Variants in DPYS observed in about 807,000 individuals in gnomAD.
DPYS encodes the protein dihydropyrimidine amidohydrolase.
In DPYS, 39 loss-of-function variants were observed where a neutral mutation model predicts 50.3. That is an observed-to-expected ratio of 0.78 (90% CI 0.60 to 1.01). The LOEUF (loss-of-function observed/expected upper bound fraction) is 1.01, where lower values mean the gene tolerates loss of function less well. DPYS is among the 50% of genes least tolerant of loss of function. The pLI is 0.00. For missense variants in DPYS, 659 were observed against 680.9 expected (o/e 0.97, Z 0.36); for synonymous variants, 245 against 250.7 (o/e 0.98, Z 0.22).
intron 6 of DPYS, 87 bp downstream of exon 6, chr8:104,427,893 T>G: frequency 6.2e-7 from 1 of 1,602,752 alleles, no homozygotes; most frequent in South Asian, 1.1e-5. Context: ...AGCTTCTCTA[T>G]GAAAATTTGT....
intron 7 of DPYS, among the ~76,000 whole-genome samples, chr8:104,404,302 G>A (rs1323618332): frequency 6.6e-6 from 1 of 152,092 alleles, no homozygotes; most frequent in Non-Finnish European, 1.5e-5. Context: ...AGCTGTTTTG[G>A]AAGTGACCTG....
At position 104,466,651 on chromosome 8, in the gene DPYS, G is replaced by T; in HGVS notation, c.264+6C>A. 1 of 1,510,312 alleles carries T rather than the reference G, an allele frequency of 6.6e-7. No homozygotes were observed. 93.6% of individuals were successfully genotyped at this position (1,510,312 alleles called of 1,614,324 possible). On this transcript the variant is annotated splice_donor_region_variant and intron_variant, in intron 1 of 9. Transcript: ENST00000351513. ...CCGCGGGGCGGGGGCGCGGCGGGGC[G>T]GGTACCTTGGTGCCCTGGTGGAAGT...
At chr8:104,438,999 A>C (rs1460752622) in intron 4 of DPYS, among the ~76,000 whole-genome samples, 4 of 151,862 alleles carry the variant, frequency 2.6e-5, no homozygotes, top group Non-Finnish European at 5.9e-5. Context: ...AGCCCAGGAA[A>C]TTGAGGCTAC....
intron 8 of DPYS, 178 bp from the exon 9 acceptor site, chr8:104,381,492 T>C: frequency 1.6e-6 from 1 of 614,654 alleles, no homozygotes. Context: ...ATCTGGATTG[T>C]CCCACTTTTT....
At position 104,442,442 on chromosome 8, in the gene DPYS, G is replaced by A. The variant is rs145583106; in HGVS notation, c.793+1806C>T. Among the ~76,000 whole-genome samples, 40 of 152,242 alleles carry A rather than the reference G, an allele frequency of 2.6e-4. No individual in the cohort carries two copies. The East Asian group carries it at 6.4e-3, about 24-fold the overall frequency. ...AATAATATTCTGACATTATGGACCC[G>A]GTACACGACTTAACAAAGGAAATAA... On this transcript the variant is annotated intron_variant, in intron 4 of 9. Coordinates refer to ENST00000351513, the MANE Select transcript of DPYS (RefSeq NM_001385.3).
chr8:104,453,879 T>C (rs1813839435), intron 1 of DPYS, among the ~76,000 whole-genome samples: 1 of 152,212 alleles, frequency 6.6e-6, no homozygotes, highest in Non-Finnish European at 1.5e-5. Context: ...AATGAAGTAC[T>C]GACATACGCT....
intron 7 of DPYS, chr8:104,419,654 C>G (rs375679906): frequency 5.9e-5 from 9 of 151,826 alleles, no homozygotes; most frequent in African/African-American, 2.2e-4. Flanking sequence ...ACCCACAACC[C>G]GAAGCTTATA....
At chr8:104,390,908 G>C (rs1811365960) in intron 8 of DPYS, among the ~76,000 whole-genome samples, 1 of 152,258 alleles carries the variant, frequency 6.6e-6, no homozygotes, top group Admixed American at 6.5e-5. Context: ...CTAAATGTTA[G>C]TGCTGCTGTT....
intron 8 of DPYS, among the ~76,000 whole-genome samples, chr8:104,385,687 T>G (rs1216885909): frequency 6.6e-6 from 1 of 152,214 alleles, no homozygotes; most frequent in Non-Finnish European, 1.5e-5. Context: ...TGAGAGATGG[T>G]TAGGCCATGA....
chr8:104,458,689 T>C (rs1025288539), intron 1 of DPYS, among the ~76,000 whole-genome samples: 4 of 152,202 alleles, frequency 2.6e-5, no homozygotes, highest in Non-Finnish European at 5.9e-5. Context: ...ACTTTTCCAA[T>C]AGCAAACTGG....
intron 7 of DPYS, among the ~76,000 whole-genome samples, chr8:104,415,399 CT>C (rs919093091): frequency 1.3e-5 from 2 of 152,120 alleles, no homozygotes; most frequent in African/African-American, 4.8e-5. Flanking sequence ...AGCTGCTTTT[CT>C]TTTATAATTT....
chr8:104,464,781 C>T (rs1814299013), intron 1 of DPYS, among the ~76,000 whole-genome samples: 1 of 152,272 alleles, frequency 6.6e-6, no homozygotes, highest in South Asian at 2.1e-4. Flanking sequence ...TAATGTTTTG[C>T]TTCTTTTAAT....
intron 1 of DPYS, among the ~76,000 whole-genome samples, chr8:104,466,351 G>A (rs184449793): frequency 6.6e-6 from 1 of 152,160 alleles, no homozygotes; most frequent in Admixed American, 6.5e-5. Flanking sequence ...GGGAGTAAGC[G>A]GTATAGAGAA....
intron 7 of DPYS, among the ~76,000 whole-genome samples, chr8:104,412,718 T>G (rs140928428): frequency 1.3e-5 from 2 of 152,292 alleles, no homozygotes; most frequent in African/African-American, 4.8e-5. Context: ...GTGGGCTTAC[T>G]CTGGCAGTGA....
intron 8 of DPYS, 75 bp from the exon 9 acceptor site, chr8:104,381,389 A>T (rs1811031405): frequency 3.1e-6 from 4 of 1,299,874 alleles, no homozygotes; most frequent in Non-Finnish European, 4.5e-6. Context: ...TCCCTTTATG[A>T]ATTGCGAGAG....
intron 1 of DPYS, among the ~76,000 whole-genome samples, chr8:104,455,144 G>GA (rs977574306): frequency 1.1e-4 from 17 of 150,892 alleles, no homozygotes; most frequent in East Asian, 5.8e-4. Flanking sequence ...GTAAAATAAA[G>GA]AAAAAAAAAC....
chr8:104,395,653 T>C (rs1475639610), intron 7 of DPYS, among the ~76,000 whole-genome samples: 1 of 152,250 alleles, frequency 6.6e-6, no homozygotes, highest in East Asian at 1.9e-4. Flanking sequence ...TGCTGCATAG[T>C]ATTCCACTGT....
intron 7 of DPYS, chr8:104,420,717 AC>A (rs1356649556): frequency 1.6e-4 from 24 of 149,782 alleles, no homozygotes; most frequent in Non-Finnish European, 2.7e-4. Flanking sequence ...AAAAAAAAAA[AC>A]GATAAAACAA....
chr8:104,437,916 T>C (rs1041149734), intron 4 of DPYS, among the ~76,000 whole-genome samples: 1 of 152,212 alleles, frequency 6.6e-6, no homozygotes, highest in Admixed American at 6.5e-5. Context: ...AGAAATTGTA[T>C]AGGGTTTTCC....
Sources: allele counts gnomAD v4.1 joint callset (sites outside exome capture counted in the v4.1 genomes callset), GRCh38; gene constraint gnomAD v4.1.1; transcripts MANE v1.5; gene names NCBI Gene and HGNC (gene_info 2026-07-23, HGNC 2026-07-21).